The following LRRC4C variants were observed in gnomAD, a reference collection of about 807,000 sequenced individuals.
LRRC4C encodes the protein leucine-rich repeat-containing protein 4C.
In LRRC4C, 5 loss-of-function variants were observed where a neutral mutation model predicts 33.6. The ratio of observed to expected loss-of-function variants is 0.15; its 90% CI spans 0.08 to 0.31. LRRC4C has a LOEUF of 0.31. LRRC4C is among the 10% of genes least tolerant of loss of function. The probability of loss-of-function intolerance (pLI) is 1.00; values close to 1 mark genes in which losing one functional copy is unlikely to be tolerated. For missense variants in LRRC4C, 560 were observed against 796.7 expected, an observed-to-expected ratio of 0.70 and a Z score of 3.58; for synonymous variants, 329 against 302.0, an observed-to-expected ratio of 1.09 and a Z score of -0.93.
chr11:40,382,997 T>G (rs1243584932), intron 3 of LRRC4C, among the ~76,000 whole-genome samples: 1 of 152,074 alleles, frequency 6.6e-6, no homozygotes, highest in Non-Finnish European at 1.5e-5. Context: ...CCGGCCAACA[T>G]TGTACTCTTT....
intron 3 of LRRC4C, among the ~76,000 whole-genome samples, chr11:40,598,193 CT>C (rs964900368): frequency 6.6e-6 from 1 of 152,110 alleles, no homozygotes; most frequent in African/African-American, 2.4e-5. Flanking sequence ...CACTTTTACT[CT>C]TTTTTCATGA....
chr11:40,841,316 T>C (rs1412892713), intron 2 of LRRC4C, among the ~76,000 whole-genome samples: 1 of 152,184 alleles, frequency 6.6e-6, no homozygotes, highest in African/African-American at 2.4e-5. Flanking sequence ...ACTTTTCTTA[T>C]GGCTTGTCAT....
chr11:40,721,105 C>T (rs931890685), intron 2 of LRRC4C, among the ~76,000 whole-genome samples: 4 of 152,132 alleles, frequency 2.6e-5, no homozygotes, highest in African/African-American at 9.7e-5. Context: ...TTCATCCAAA[C>T]ATCATTCACT....
chr11:40,685,245 A>G (rs1256226156), intron 2 of LRRC4C, among the ~76,000 whole-genome samples: 1 of 152,208 alleles, frequency 6.6e-6, no homozygotes, highest in African/African-American at 2.4e-5. Context: ...TTTTAAGTAT[A>G]TGACCCCAAA....
rs991520968 is a variant in LRRC4C at position 40,784,699 on chromosome 11, A to G, written c.-406-136421T>C. 7.2e-5 allele frequency among the ~76,000 whole-genome samples: 11 copies of G among 152,340 alleles called. No homozygotes were observed. The East Asian group carries it at 1.7e-3, about 24-fold the overall frequency. On this transcript the variant is annotated intron_variant, in intron 2 of 6. Transcript: ENST00000528697. ...ATTAATTTGAAAGATTCATCCTATC[A>G]TAGCACATGCTGCAGTCAATGGCAT...
intron 1 of LRRC4C, among the ~76,000 whole-genome samples, chr11:41,171,214 G>A (rs1341621739): frequency 6.6e-6 from 1 of 152,072 alleles, no homozygotes; most frequent in Admixed American, 6.6e-5. Flanking sequence ...CAGGGATCTA[G>A]AACTAGAAAC....
chr11:41,175,138 C>G (rs1206782432), intron 1 of LRRC4C, among the ~76,000 whole-genome samples: 1 of 152,056 alleles, frequency 6.6e-6, no homozygotes, highest in East Asian at 1.9e-4. Flanking sequence ...ATTCTCCCAT[C>G]TGATATTTGT....
intron 1 of LRRC4C, among the ~76,000 whole-genome samples, chr11:41,158,416 A>G (rs1045161398): frequency 3.3e-5 from 5 of 152,164 alleles, no homozygotes; most frequent in African/African-American, 1.2e-4. Context: ...AAAGGGAGGT[A>G]GAAGGATCCC....
intron 3 of LRRC4C, among the ~76,000 whole-genome samples, chr11:40,325,706 A>AT (rs1212102320): frequency 6.6e-6 from 1 of 152,018 alleles, no homozygotes; most frequent in African/African-American, 2.4e-5. Context: ...ACTAACACTT[A>AT]TTTTTTTCAT....
intron 3 of LRRC4C, among the ~76,000 whole-genome samples, chr11:40,443,836 G>C (rs776845076): frequency 1.8e-4 from 28 of 152,138 alleles, no homozygotes; most frequent in Admixed American, 7.9e-4. Flanking sequence ...CACATTTTGA[G>C]AGTTAGCAAT....
At chr11:40,236,158 G>T (rs967518031) in intron 5 of LRRC4C, among the ~76,000 whole-genome samples, 1 of 151,106 alleles carries the variant, frequency 6.6e-6, no homozygotes, top group Non-Finnish European at 1.5e-5. Context: ...ACCCAGATTT[G>T]GTTTCTAAAC....
At chr11:40,267,643 G>A (rs1942380057) in intron 4 of LRRC4C, among the ~76,000 whole-genome samples, 1 of 152,108 alleles carries the variant, frequency 6.6e-6, no homozygotes, top group Non-Finnish European at 1.5e-5. Context: ...GAGCCACCGC[G>A]CCTGGCCCTG....
At chr11:40,430,797 G>A (rs891673633) in intron 3 of LRRC4C, among the ~76,000 whole-genome samples, 8 of 151,690 alleles carry the variant, frequency 5.3e-5, no homozygotes, top group South Asian at 2.1e-4. Flanking sequence ...GTCCTTTGTA[G>A]GGACATGGAT....
rs576940143 is a variant in LRRC4C at position 40,930,333 on chromosome 11, G to A, written c.-407+3302C>T. Among the ~76,000 whole-genome samples the A allele has an allele frequency of 2.7e-3, 416 of 152,274 alleles. 2 individuals are homozygous for A. The highest frequency in any genetic ancestry group is 9.3e-3 in the African/African-American group (385 of 41,550). ...TTATCCGCTGCTAGGACTTCCTAAT[G>A]GCCAAAGTGGGGACTGGAGCCTATT... On this transcript the variant is annotated intron_variant, in intron 2 of 6. Coordinates refer to ENST00000528697, the MANE Select transcript of LRRC4C (RefSeq NM_001258419.2).
chr11:40,708,309 C>CATCAATTTTAG (rs1366637231), intron 2 of LRRC4C, among the ~76,000 whole-genome samples: 2 of 152,036 alleles, frequency 1.3e-5, no homozygotes, highest in Admixed American at 1.3e-4. Flanking sequence ...GATGTTAGGG[C>CATCAATTTTAG]ATCAATTTTA....
chr11:40,383,563 G>A (rs2137375768), intron 3 of LRRC4C, among the ~76,000 whole-genome samples: 1 of 152,228 alleles, frequency 6.6e-6, no homozygotes, highest in East Asian at 1.9e-4. Context: ...ATAGGTGAGA[G>A]GTGATAACTG....
intron 1 of LRRC4C, among the ~76,000 whole-genome samples, chr11:41,443,032 G>C (rs1955689300): frequency 6.8e-6 from 1 of 148,114 alleles, no homozygotes; most frequent in Admixed American, 6.7e-5. Flanking sequence ...TTGATTTCTA[G>C]TCCAAGACCC....
At chr11:40,455,048 T>G (rs918629675) in intron 3 of LRRC4C, among the ~76,000 whole-genome samples, 1 of 152,128 alleles carries the variant, frequency 6.6e-6, no homozygotes, top group African/African-American at 2.4e-5. Context: ...TCATCTGTCA[T>G]GTATGTCACA....
intron 1 of LRRC4C, among the ~76,000 whole-genome samples, chr11:41,366,223 T>C (rs1258750892): frequency 6.8e-6 from 1 of 146,676 alleles, no homozygotes; most frequent in Non-Finnish European, 1.5e-5. Context: ...GATAGATAGA[T>C]AGATAGATAG....
Sources: allele counts gnomAD v4.1 joint callset (sites outside exome capture counted in the v4.1 genomes callset), GRCh38; gene constraint gnomAD v4.1.1; transcripts MANE v1.5; gene names NCBI Gene and HGNC (gene_info 2026-07-23, HGNC 2026-07-21).